The following GPC3 variants were observed in gnomAD, a reference collection of about 807,000 sequenced individuals.
GPC3 encodes glypican 3.
Under a neutral mutation model 34.4 loss-of-function variants are expected in GPC3, and 3 were observed. The ratio of observed to expected loss-of-function variants is 0.09; its 90% CI spans 0.04 to 0.23. The LOEUF is 0.23. Ranked by LOEUF, GPC3 falls within the 10% of genes least tolerant of loss-of-function variation. The probability of loss-of-function intolerance (pLI) is 1.00; values close to 1 mark genes in which losing one functional copy is unlikely to be tolerated. For synonymous variants in GPC3, 177 were observed against 174.0 expected, an observed-to-expected ratio of 1.02 and a Z score of -0.13; for missense variants, 351 against 445.6, an observed-to-expected ratio of 0.79 and a Z score of 1.91.
chrX:133,763,722 G>A, intron 2 of GPC3: 1 of 483,651 alleles, frequency 2.1e-6, no homozygotes, highest in Non-Finnish European at 3.6e-6. Flanking sequence ...ATGGAAATAA[G>A]GCTGACAAAA....
At chrX:133,967,142 G>A (rs866542296) in intron 1 of GPC3, among the ~76,000 whole-genome samples, 7 of 111,907 alleles carry the variant, frequency 6.3e-5, no homozygotes, top group Admixed American at 1.9e-4. Context: ...ACACCCACAC[G>A]TACATTAGTG....
chrX:133,950,959 A>G (rs747882337), intron 2 of GPC3, among the ~76,000 whole-genome samples: 1 of 110,070 alleles, frequency 9.1e-6, no homozygotes, highest in East Asian at 2.9e-4. Flanking sequence ...GGTAAAGGGC[A>G]CTAGCAATAA....
At chrX:133,796,074 T>C (rs1451278799) in intron 2 of GPC3, among the ~76,000 whole-genome samples, 3 of 107,477 alleles carry the variant, frequency 2.8e-5, no homozygotes, top group East Asian at 2.9e-4. Context: ...GCCTGCCGAG[T>C]AGCTGGGACT....
intron 6 of GPC3, among the ~76,000 whole-genome samples, chrX:133,649,263 T>C (rs1432415254): frequency 1.0e-5 from 1 of 99,215 alleles, no homozygotes; most frequent in African/African-American, 3.6e-5. Flanking sequence ...CGAGGATATA[T>C]ATATATGTGT....
At chrX:133,593,354 T>TAAAAAAAAAAAAAAAAAAAAATA in intron 7 of GPC3, among the ~76,000 whole-genome samples, 1 of 47,705 alleles carries the variant, frequency 2.1e-5, no homozygotes, top group Non-Finnish European at 3.9e-5. Context: ...AAAAAAAAAG[T>TAAAAAAAAAAAAAAAAAAAAATA]AAAAAAAAAA....
At chrX:133,725,562 C>T in intron 3 of GPC3, among the ~76,000 whole-genome samples, 1 of 111,755 alleles carries the variant, frequency 8.9e-6, no homozygotes, top group Non-Finnish European at 1.9e-5. Flanking sequence ...AATCAAATTA[C>T]TTCATCTTGG....
At chrX:133,794,648 A>G (rs1034911186) in intron 2 of GPC3, among the ~76,000 whole-genome samples, 2 of 111,416 alleles carry the variant, frequency 1.8e-5, no homozygotes, top group African/African-American at 6.5e-5. Flanking sequence ...AAAAGTAACT[A>G]CCATCAATTG....
intron 7 of GPC3, among the ~76,000 whole-genome samples, chrX:133,540,117 C>T (rs184184530): frequency 2.7e-5 from 3 of 112,079 alleles, no homozygotes; most frequent in African/African-American, 6.5e-5. Flanking sequence ...CAAAACACCT[C>T]GGGGATAGAA....
At chrX:133,836,293 A>C (rs2075798898) in intron 2 of GPC3, among the ~76,000 whole-genome samples, 1 of 112,979 alleles carries the variant, frequency 8.9e-6, no homozygotes, top group Non-Finnish European at 1.9e-5. Flanking sequence ...ATTTTTTGTT[A>C]ATTTCAGATT....
chrX:133,567,593 TGTG>T (rs758468656), intron 7 of GPC3, among the ~76,000 whole-genome samples: 92 of 111,940 alleles, frequency 8.2e-4, no homozygotes, highest in African/African-American at 2.8e-3. Context: ...CTCCTGAAAA[TGTG>T]GTCAAAATCT....
Position 133,859,477 on chromosome X carries a change from A to G in GPC3, c.337+93573T>C, listed in dbSNP as rs186764955. 3.6e-5 allele frequency among the ~76,000 whole-genome samples: 4 copies of G among 111,796 alleles called. No homozygotes were observed. The East Asian group carries it at 1.1e-3, about 32-fold the overall frequency. Reference sequence around the variant, plus strand: ...GAAGAAAAAACAACTGTTGCCTAGGAAATCTGCTCTTCAGGGACCCCAGGG... The same window carrying G: ...GAAGAAAAAACAACTGTTGCCTAGGGAATCTGCTCTTCAGGGACCCCAGGG... On this transcript the variant is annotated intron_variant, in intron 2 of 7. Transcript: ENST00000370818.
chrX:133,552,093 G>A lies in GPC3; in HGVS notation c.1574-15800C>T, dbSNP rs187838849. ...GTGCAATCTGGAAATTGCATAGGCT[G>A]GCCCTAGGCAGTGAGATCTATCTCT... is the stretch of plus-strand genomic sequence containing the variant. On this transcript the variant is annotated intron_variant, in intron 7 of 7. Coordinates refer to ENST00000370818, the MANE Select transcript of GPC3 (RefSeq NM_004484.4). Among the ~76,000 whole-genome samples, 6 of 112,720 alleles carry A rather than the reference G, an allele frequency of 5.3e-5. No individual in the cohort carries two copies. The East Asian group carries it at 1.7e-3, about 31-fold the overall frequency.
intron 2 of GPC3, among the ~76,000 whole-genome samples, chrX:133,911,175 T>C (rs1239516805): frequency 8.9e-6 from 1 of 112,623 alleles, no homozygotes; most frequent in Non-Finnish European, 1.9e-5. Flanking sequence ...AAACTTTTAT[T>C]TATGCTAACT....
At chrX:133,777,446 T>C (rs1252087563) in intron 2 of GPC3, among the ~76,000 whole-genome samples, 1 of 111,156 alleles carries the variant, frequency 9.0e-6, no homozygotes, top group Non-Finnish European at 1.9e-5. Flanking sequence ...GCACACTTGC[T>C]GGACCCACAA....
At chrX:133,790,898 A>T (rs1488699885) in intron 2 of GPC3, among the ~76,000 whole-genome samples, 3 of 111,661 alleles carry the variant, frequency 2.7e-5, no homozygotes, top group African/African-American at 6.5e-5. Context: ...GGAATTGGCT[A>T]CTCAAAGCTG....
intron 2 of GPC3, among the ~76,000 whole-genome samples, chrX:133,758,172 T>G (rs1603241534): frequency 9.0e-6 from 1 of 111,657 alleles, no homozygotes; most frequent in Non-Finnish European, 1.9e-5. Flanking sequence ...GCAGAAATAC[T>G]ATTTGACCCA....
intron 7 of GPC3, among the ~76,000 whole-genome samples, chrX:133,594,420 A>G (rs2069889475): frequency 8.9e-6 from 1 of 112,008 alleles, no homozygotes; most frequent in South Asian, 3.8e-4. Flanking sequence ...TAGTTAAAGA[A>G]TGTTCATTGT....
chrX:133,688,253 ACATGGGCC>A (rs2071027962), intron 5 of GPC3, among the ~76,000 whole-genome samples: 1 of 111,680 alleles, frequency 9.0e-6, no homozygotes, highest in Non-Finnish European at 1.9e-5. Context: ...AGGATATCTC[ACATGGGCC>A]CAGTTTGCTA....
intron 2 of GPC3, among the ~76,000 whole-genome samples, chrX:133,798,410 G>A: frequency 9.0e-6 from 1 of 111,636 alleles, no homozygotes; most frequent in Admixed American, 9.5e-5. Context: ...AGATGGAATG[G>A]GGTACAGCCA....
Sources: allele counts gnomAD v4.1 joint callset (sites outside exome capture counted in the v4.1 genomes callset), GRCh38; gene constraint gnomAD v4.1.1; transcripts MANE v1.5; gene names NCBI Gene and HGNC (gene_info 2026-07-23, HGNC 2026-07-21).